Variants in LURAP1 observed in about 807,000 individuals in gnomAD.
LURAP1 encodes NF-kappa-B activator C1orf190.
Under a neutral mutation model 19.0 loss-of-function variants are expected in LURAP1, and 14 were observed. The observed-to-expected ratio is 0.74, with a 90% confidence interval of 0.49 to 1.15. The LOEUF (loss-of-function observed/expected upper bound fraction) is 1.15, where lower values mean the gene tolerates loss of function less well. Ranked by LOEUF, LURAP1 falls within the 50% of genes most tolerant of loss-of-function variation. The probability of loss-of-function intolerance (pLI) is 0.00; values close to 1 mark genes in which losing one functional copy is unlikely to be tolerated. For missense variants in LURAP1, 273 were observed against 309.1 expected (o/e 0.88, Z 0.87); for synonymous variants, 129 against 131.8 (o/e 0.98, Z 0.14).
chr1:46,217,102 A>G (rs1659093165), intron 1 of LURAP1, among the ~76,000 whole-genome samples: 1 of 152,232 alleles, frequency 6.6e-6, no homozygotes, highest in Admixed American at 6.5e-5. Context: ...AGTAAATGAA[A>G]AAAGAAGATA....
intron 1 of LURAP1, among the ~76,000 whole-genome samples, chr1:46,213,064 A>T (rs1321765957): frequency 6.6e-6 from 1 of 152,126 alleles, no homozygotes; most frequent in Non-Finnish European, 1.5e-5. Flanking sequence ...TTGATCAATG[A>T]TAGACTACAT....
At chr1:46,208,504 TG>T (rs909916655) in intron 1 of LURAP1, among the ~76,000 whole-genome samples, 27 of 152,184 alleles carry the variant, frequency 1.8e-4, no homozygotes, top group Non-Finnish European at 3.7e-4. Context: ...ACATTTGAGC[TG>T]GGGCTTGAAG....
In LURAP1 at chr1:46,210,270, G is replaced by C. The variant is rs141809151; in HGVS notation, c.198+6646G>C. Among the ~76,000 whole-genome samples the C allele has an allele frequency of 3.9e-5, 6 of 152,200 alleles. No homozygotes were observed. In the East Asian group the frequency reaches 1.2e-3, roughly 29 times the overall value. On this transcript the variant is annotated intron_variant, in intron 1 of 1. Coordinates refer to ENST00000371980, the MANE Select transcript of LURAP1 (RefSeq NM_001013615.3). ...GTGTTTAGAAAACCCTAAACTGTGT[G>C]TGTGTGTTTTTTTAATTTTTTCACT... is the stretch of plus-strand genomic sequence containing the variant.
At chr1:46,208,630 G>A (rs907779972) in intron 1 of LURAP1, among the ~76,000 whole-genome samples, 3 of 152,100 alleles carry the variant, frequency 2.0e-5, no homozygotes, top group Non-Finnish European at 4.4e-5. Context: ...ATCACCTGAG[G>A]TCAGGAGTTC....
At chr1:46,206,274 G>A (rs138604639) in intron 1 of LURAP1, among the ~76,000 whole-genome samples, 1 of 150,726 alleles carries the variant, frequency 6.6e-6, no homozygotes, top group Admixed American at 6.6e-5. Flanking sequence ...TTTGGTGGAG[G>A]GGGTAGAGGG....
In LURAP1 at chr1:46,210,875, A is replaced by G. The variant is rs187061253; in HGVS notation, c.198+7251A>G. 7.0e-3 allele frequency among the ~76,000 whole-genome samples: 1,056 copies of G among 151,940 alleles called. 3 individuals are homozygous for G. The highest frequency in any genetic ancestry group is 0.018 in the South Asian group (88 of 4,794). On this transcript the variant is annotated intron_variant, in intron 1 of 1. Coordinates refer to ENST00000371980, the MANE Select transcript of LURAP1 (RefSeq NM_001013615.3). ...CTGCAGCCTGTACTTCTCTGGCTCAATCAATCCTCCCAGTTCAGCCTCCTA... is the reference window on the plus strand; with the variant it reads ...CTGCAGCCTGTACTTCTCTGGCTCAGTCAATCCTCCCAGTTCAGCCTCCTA...
At chr1:46,215,912 C>T (rs925393900) in intron 1 of LURAP1, among the ~76,000 whole-genome samples, 2 of 151,946 alleles carry the variant, frequency 1.3e-5, no homozygotes, top group Admixed American at 6.6e-5. Context: ...AAATAAAATA[C>T]GACAATGGAA....
At chr1:46,215,745 T>A (rs1380217056) in intron 1 of LURAP1, among the ~76,000 whole-genome samples, 4 of 151,968 alleles carry the variant, frequency 2.6e-5, no homozygotes, top group East Asian at 1.9e-4. Flanking sequence ...AAAAAAAATT[T>A]AAAAATTAGC....
Position 46,211,074 on chromosome 1 carries a change from C to T in LURAP1, c.198+7450C>T, listed in dbSNP as rs558722233. ...GGATTACAGGCTTAAGCCACTGTGC[C>T]TGGTCCTTTGGGCCTTTTAAAGAGA... On this transcript the variant is annotated intron_variant, in intron 1 of 1. Transcript: ENST00000371980. 3.6e-4 allele frequency among the ~76,000 whole-genome samples: 55 copies of T among 152,200 alleles called. 1 individual carries two copies. The highest frequency in any genetic ancestry group is 1.3e-3 in the African/African-American group (53 of 41,520).
chr1:46,214,701 A>G (rs1388514764), intron 1 of LURAP1, among the ~76,000 whole-genome samples: 2 of 151,950 alleles, frequency 1.3e-5, no homozygotes, highest in Non-Finnish European at 2.9e-5. Flanking sequence ...CCCCATCTCT[A>G]CTAAAAATAC....
intron 1 of LURAP1, among the ~76,000 whole-genome samples, chr1:46,219,002 G>A (rs1659149308): frequency 6.6e-6 from 1 of 152,064 alleles, no homozygotes; most frequent in South Asian, 2.1e-4. Flanking sequence ...AGGCTCAATA[G>A]TCAGTACCCT....
chr1:46,211,439 GCACACACACACA>G (rs57919535), intron 1 of LURAP1, among the ~76,000 whole-genome samples: 3 of 78,958 alleles, frequency 3.8e-5, no homozygotes, highest in Admixed American at 1.4e-4. Context: ...ATGAAAACCT[GCACACACACACA>G]CACACACACA....
intron 1 of LURAP1, among the ~76,000 whole-genome samples, chr1:46,215,655 C>G (rs1470776934): frequency 1.3e-5 from 2 of 152,208 alleles, no homozygotes; most frequent in Non-Finnish European, 2.9e-5. Context: ...TCCCAGCACT[C>G]TGGGAGGCCA....
intron 1 of LURAP1, among the ~76,000 whole-genome samples, chr1:46,213,107 A>G (rs1265855609): frequency 1.3e-5 from 2 of 152,090 alleles, no homozygotes; most frequent in Non-Finnish European, 2.9e-5. Flanking sequence ...GTGTGTATAT[A>G]TGCACATATA....
At chr1:46,218,845 G>A (rs189116337) in intron 1 of LURAP1, among the ~76,000 whole-genome samples, 25 of 152,066 alleles carry the variant, frequency 1.6e-4, no homozygotes, top group Admixed American at 1.4e-3. Flanking sequence ...CCCTCTCGGT[G>A]GCTGCTACCA....
intron 1 of LURAP1, among the ~76,000 whole-genome samples, chr1:46,216,141 G>A (rs1208421681): frequency 7.3e-6 from 1 of 136,554 alleles, no homozygotes; most frequent in Non-Finnish European, 1.5e-5. Context: ...CCGCCCCCCA[G>A]GTTCACGCCA....
rs940224302 is a variant in LURAP1, at chr1:46,203,356, G to A, written c.-71G>A. The A allele has an allele frequency of 2.9e-6, 4 of 1,380,078 alleles. No individual in the cohort carries two copies. Among genetic ancestry groups the A allele is most frequent in the Non-Finnish European group, 3.8e-6 (4 of 1,045,154 alleles). 85.5% of individuals were successfully genotyped at this position (1,380,078 alleles called of 1,614,324 possible). ...ACCGGTTTTGCTCCGCTTTAGCAGC[G>A]GCGAAGGGAGGACCCCCGGGAGCCG... On this transcript the variant is annotated 5_prime_UTR_variant, in exon 1 of 2. Transcript: ENST00000371980.
Position 46,211,073 on chromosome 1 carries a change from C to T in LURAP1, c.198+7449C>T, listed in dbSNP as rs111907589. On this transcript the variant is annotated intron_variant, in intron 1 of 1. Transcript: ENST00000371980. ...GGGATTACAGGCTTAAGCCACTGTG[C>T]CTGGTCCTTTGGGCCTTTTAAAGAG... Among the ~76,000 whole-genome samples the T allele has an allele frequency of 5.8e-3, 880 of 152,110 alleles. 8 individuals carry two copies. Among genetic ancestry groups the T allele is most frequent in the African/African-American group, 0.02 (812 of 41,474 alleles).
intron 1 of LURAP1, among the ~76,000 whole-genome samples, chr1:46,211,604 C>T (rs1208601382): frequency 5.3e-5 from 8 of 151,976 alleles, no homozygotes; most frequent in East Asian, 3.8e-4. Context: ...TATGTTCCTT[C>T]GATGTCTCAT....
Sources: allele counts gnomAD v4.1 joint callset (sites outside exome capture counted in the v4.1 genomes callset), GRCh38; gene constraint gnomAD v4.1.1; transcripts MANE v1.5; gene names NCBI Gene and HGNC (gene_info 2026-07-23, HGNC 2026-07-21).